NYAP2: variants seen among roughly 807,000 people sequenced by gnomAD.
NYAP2 encodes the protein neuronal tyrosine-phosphorylated phosphoinositide-3-kinase adapter 2.
In NYAP2, 23 loss-of-function variants were observed where a neutral mutation model predicts 50.4. That is an observed-to-expected ratio of 0.46 (90% CI 0.33 to 0.65). The LOEUF is 0.65. Ranked by LOEUF, NYAP2 falls within the 30% of genes least tolerant of loss-of-function variation. NYAP2 has a pLI of 0.02. For missense variants in NYAP2, 885 were observed against 861.0 expected, an observed-to-expected ratio of 1.03 and a Z score of -0.35; for synonymous variants, 394 against 365.2, an observed-to-expected ratio of 1.08 and a Z score of -0.90.
chr2:225,504,245 T>C (rs894010497), intron 3 of NYAP2, among the ~76,000 whole-genome samples: 17 of 152,186 alleles, frequency 1.1e-4, no homozygotes, highest in Non-Finnish European at 8.8e-5. Flanking sequence ...TCGTGGTTCA[T>C]TGATGGCTGT....
rs112379200 is a variant in NYAP2, at chr2:225,570,027, G to A, written c.524-11914G>A. ...AGGAAATGTCTGCAGCACCACCACT[G>A]TTTCTGTTCTCTACAAGCAGGCTAT... On this transcript the variant is annotated intron_variant, in intron 4 of 6. Coordinates refer to ENST00000636099, the Ensembl canonical transcript of NYAP2. Among the ~76,000 whole-genome samples, 1,397 of 152,290 alleles carry A rather than the reference G, an allele frequency of 9.2e-3. 33 individuals carry two copies. Among genetic ancestry groups the A allele is most frequent in the African/African-American group, 0.032 (1,341 of 41,554 alleles).
chr2:225,632,829 C>T (rs540333988), intron 6 of NYAP2, among the ~76,000 whole-genome samples: 2 of 152,320 alleles, frequency 1.3e-5, no homozygotes, highest in African/African-American at 2.4e-5. Context: ...ACCTACCCCC[C>T]ACAGACTGTA....
chr2:225,516,482 T>A (rs561500040), intron 4 of NYAP2, among the ~76,000 whole-genome samples: 4 of 152,222 alleles, frequency 2.6e-5, no homozygotes, highest in Admixed American at 2.6e-4. Context: ...CGGGACCCAG[T>A]GCAGAAATGG....
chr2:225,681,274 A>T, the NYAP2 span, among the ~76,000 whole-genome samples: 14 of 152,314 alleles, frequency 9.2e-5, no homozygotes, highest in South Asian at 2.9e-3. Context: ...AAGATCACAT[A>T]TGAAAAATTT....
chr2:225,533,300 T>C (rs1345695367), intron 4 of NYAP2, among the ~76,000 whole-genome samples: 1 of 152,202 alleles, frequency 6.6e-6, no homozygotes, highest in Non-Finnish European at 1.5e-5. Flanking sequence ...AAAGTTCTAC[T>C]CTCCATATAC....
At chr2:225,479,648 G>GTT (rs369568441) in intron 3 of NYAP2, among the ~76,000 whole-genome samples, 21,067 of 148,282 alleles carry the variant, frequency 0.14, 2,200 homozygotes, top group African/African-American at 0.3. Context: ...AAGTACCATA[G>GTT]TTTTTTTTTT....
At chr2:225,702,265 A>G in the NYAP2 span, 1 of 151,808 alleles carries the variant, frequency 6.6e-6, no homozygotes, top group South Asian at 2.1e-4. Context: ...TTCCATGTAT[A>G]CAAAATAGAC....
chr2:225,456,610 C>T (rs1392144465), intron 3 of NYAP2, among the ~76,000 whole-genome samples: 2 of 152,130 alleles, frequency 1.3e-5, no homozygotes, highest in Non-Finnish European at 2.9e-5. Context: ...ATGCCTTATC[C>T]TCCTAGGGCC....
chr2:225,645,676 C>A (rs1693622641), intron 6 of NYAP2, among the ~76,000 whole-genome samples: 1 of 152,178 alleles, frequency 6.6e-6, no homozygotes, highest in Non-Finnish European at 1.5e-5. Flanking sequence ...AATAATTAAT[C>A]TCTCAATTAG....
At chr2:225,659,051 A>G in the NYAP2 span, among the ~76,000 whole-genome samples, 1 of 152,210 alleles carries the variant, frequency 6.6e-6, no homozygotes, top group Non-Finnish European at 1.5e-5. Flanking sequence ...CAACCTTGTC[A>G]TTTATTCTGT....
intron 5 of NYAP2, among the ~76,000 whole-genome samples, chr2:225,622,682 C>T (rs1364520693): frequency 4.0e-5 from 6 of 151,466 alleles, no homozygotes; most frequent in East Asian, 2.0e-4. Context: ...CGGGTTCAAG[C>T]GATTCTTATG....
the NYAP2 span, among the ~76,000 whole-genome samples, chr2:225,687,284 G>C: frequency 6.6e-6 from 1 of 152,226 alleles, no homozygotes; most frequent in African/African-American, 2.4e-5. Flanking sequence ...AGAGTGCCTG[G>C]AACATGGTTA....
chr2:225,641,900 A>T (rs911903395), intron 6 of NYAP2, among the ~76,000 whole-genome samples: 2 of 152,150 alleles, frequency 1.3e-5, no homozygotes, highest in Admixed American at 1.3e-4. Context: ...ACAGATGGAG[A>T]AACATGGCTT....
rs565166432 is a variant in NYAP2, at chr2:225,416,453, G to A, written c.221+7352G>A. ...GAGTCCCCTTATACAGGTCAAAATG[G>A]CGTCTGTCCTGCTGGCCTATTGTTT... On this transcript the variant is annotated intron_variant, in intron 3 of 6. Coordinates refer to ENST00000636099, the Ensembl canonical transcript of NYAP2. Among the ~76,000 whole-genome samples the A allele has an allele frequency of 5.3e-5, 8 of 152,170 alleles. No homozygotes were observed. In the South Asian group the frequency reaches 1.7e-3, roughly 32 times the overall value.
intron 4 of NYAP2, among the ~76,000 whole-genome samples, chr2:225,560,895 A>G (rs1691858415): frequency 6.7e-6 from 1 of 148,792 alleles, no homozygotes; most frequent in African/African-American, 2.5e-5. Flanking sequence ...GAAGTCAGAG[A>G]TGGAAGAGAT....
At chr2:225,498,789 T>A (rs1228712223) in intron 3 of NYAP2, among the ~76,000 whole-genome samples, 1 of 152,142 alleles carries the variant, frequency 6.6e-6, no homozygotes, top group African/African-American at 2.4e-5. Flanking sequence ...GGTGTCAAAT[T>A]TCTTGGAAGC....
the NYAP2 span, among the ~76,000 whole-genome samples, chr2:225,682,044 G>T: frequency 1.3e-5 from 2 of 152,056 alleles, no homozygotes; most frequent in Non-Finnish European, 2.9e-5. Context: ...AGTCCTTATT[G>T]TACTTTGACA....
intron 5 of NYAP2, among the ~76,000 whole-genome samples, chr2:225,591,408 G>C (rs1692502254): frequency 6.6e-6 from 1 of 152,078 alleles, no homozygotes; most frequent in African/African-American, 2.4e-5. Flanking sequence ...GTTTGTCTCA[G>C]GAACAATAGC....
chr2:225,534,034 A>G (rs557039652), intron 4 of NYAP2, among the ~76,000 whole-genome samples: 3 of 152,370 alleles, frequency 2.0e-5, no homozygotes, highest in Non-Finnish European at 4.4e-5. Context: ...GACAGGGAAT[A>G]CAAGTAAATT....
Sources: allele counts gnomAD v4.1 joint callset (sites outside exome capture counted in the v4.1 genomes callset), GRCh38; gene constraint gnomAD v4.1.1; transcripts MANE v1.5; gene names NCBI Gene and HGNC (gene_info 2026-07-23, HGNC 2026-07-21).